Variants in DPP10 observed in about 807,000 individuals in gnomAD.
The protein encoded by DPP10 is dipeptidyl peptidase like 10.
In DPP10, 33 loss-of-function variants were observed where a neutral mutation model predicts 120.9. That is an observed-to-expected ratio of 0.27 (90% CI 0.21 to 0.37). The LOEUF (loss-of-function observed/expected upper bound fraction) is 0.37. DPP10 is among the 10% of genes least tolerant of loss of function. The pLI is 1.00. For synonymous variants in DPP10, 337 were observed against 326.1 expected, an observed-to-expected ratio of 1.03 and a Z score of -0.36; for missense variants, 816 against 942.8, an observed-to-expected ratio of 0.87 and a Z score of 1.76.
At chr2:115,530,371 T>C (rs560874967) in intron 5 of DPP10, among the ~76,000 whole-genome samples, 219 of 152,206 alleles carry the variant, frequency 1.4e-3, no homozygotes, top group African/African-American at 5.1e-3. Context: ...ATATGGTAGT[T>C]TCAAAGAATA....
intron 1 of DPP10, among the ~76,000 whole-genome samples, chr2:115,239,320 A>G (rs1391589082): frequency 6.6e-6 from 1 of 152,238 alleles, no homozygotes; most frequent in Non-Finnish European, 1.5e-5. Flanking sequence ...CACATGCCAC[A>G]GATAAATACT....
intron 15 of DPP10, among the ~76,000 whole-genome samples, chr2:115,780,550 C>G (rs906228663): frequency 6.6e-5 from 10 of 151,622 alleles, no homozygotes; most frequent in Non-Finnish European, 1.3e-4. Flanking sequence ...ACAGAAATAT[C>G]TATTAAAAAT....
intron 5 of DPP10, among the ~76,000 whole-genome samples, chr2:115,526,647 T>G (rs1216624707): frequency 6.6e-6 from 1 of 152,122 alleles, no homozygotes; most frequent in Non-Finnish European, 1.5e-5. Context: ...AGCAGATTAG[T>G]ATCTGTAAAG....
At chr2:115,765,328 C>T (rs1680586037) in intron 12 of DPP10, among the ~76,000 whole-genome samples, 2 of 152,002 alleles carry the variant, frequency 1.3e-5, no homozygotes, top group South Asian at 4.1e-4. Flanking sequence ...GGAGGAGTTG[C>T]TATGTGGGGG....
intron 5 of DPP10, among the ~76,000 whole-genome samples, chr2:115,629,783 C>G (rs1478384084): frequency 6.6e-6 from 1 of 152,118 alleles, no homozygotes; most frequent in Non-Finnish European, 1.5e-5. Context: ...GGTACCAGTA[C>G]CATGCTGTTT....
intron 1 of DPP10, among the ~76,000 whole-genome samples, chr2:114,562,450 C>T (rs1688838678): frequency 6.6e-6 from 1 of 152,176 alleles, no homozygotes; most frequent in African/African-American, 2.4e-5. Flanking sequence ...CTAATGACGT[C>T]TCAATAGATA....
chr2:115,147,921 C>T (rs1241241517), intron 1 of DPP10, among the ~76,000 whole-genome samples: 2 of 151,982 alleles, frequency 1.3e-5, no homozygotes, highest in African/African-American at 4.8e-5. Flanking sequence ...CCGTTTGGAC[C>T]CTCAGACACA....
At chr2:114,509,510 A>G (rs1477868905) in intron 1 of DPP10, among the ~76,000 whole-genome samples, 2 of 152,158 alleles carry the variant, frequency 1.3e-5, no homozygotes, top group African/African-American at 4.8e-5. Flanking sequence ...TAAATTCTGA[A>G]CTGCTTTTCC....
At chr2:115,819,444 G>A (rs1305672846) in intron 21 of DPP10, among the ~76,000 whole-genome samples, 1 of 151,810 alleles carries the variant, frequency 6.6e-6, no homozygotes, top group East Asian at 1.9e-4. Flanking sequence ...CTTTTGCTAG[G>A]GCACTCTCTT....
chr2:115,562,940 C>T (rs1311934495), intron 5 of DPP10, among the ~76,000 whole-genome samples: 2 of 152,172 alleles, frequency 1.3e-5, no homozygotes, highest in Admixed American at 6.5e-5. Context: ...AATATCTTCC[C>T]GGTCAGGAAA....
chr2:115,529,749 A>G (rs1278891324), intron 5 of DPP10, among the ~76,000 whole-genome samples: 1 of 152,106 alleles, frequency 6.6e-6, no homozygotes, highest in Non-Finnish European at 1.5e-5. Flanking sequence ...TAGAAGAACA[A>G]TTTTTACTAT....
intron 1 of DPP10, among the ~76,000 whole-genome samples, chr2:114,980,814 A>G (rs1700036713): frequency 6.6e-6 from 1 of 151,954 alleles, no homozygotes; most frequent in African/African-American, 2.4e-5. Context: ...TTTAACTATC[A>G]GTTTCATATG....
At chr2:115,638,273 G>C (rs750209516) in intron 5 of DPP10, among the ~76,000 whole-genome samples, 12 of 152,150 alleles carry the variant, frequency 7.9e-5, no homozygotes, top group African/African-American at 1.2e-4. Context: ...TTGAAGGGTT[G>C]GTAGTGGGTG....
chr2:114,952,718 GGAAAAAA>G (rs1697887695), intron 1 of DPP10, among the ~76,000 whole-genome samples: 2 of 152,094 alleles, frequency 1.3e-5, no homozygotes, highest in African/African-American at 4.8e-5. Flanking sequence ...AGGGTGAGAT[GGAAAAAA>G]TACACACAAG....
rs184530940 is a variant in DPP10, at chr2:114,996,585, A to G, written c.61-312654A>G. On this transcript the variant is annotated intron_variant, in intron 1 of 25. Coordinates refer to ENST00000410059, the MANE Select transcript of DPP10 (RefSeq NM_020868.6). ...ATAGTTTAGGCAATATTAACACCTT[A>G]CATCTGTAATTTTAGCATTTTGAAT... 1.0e-3 allele frequency among the ~76,000 whole-genome samples: 152 copies of G among 152,348 alleles called. 2 individuals are homozygous for G. The highest frequency in any genetic ancestry group is 3.5e-3 in the African/African-American group (146 of 41,572).
In DPP10 at chr2:115,715,296, G is replaced by T. The variant is rs1248772212; in HGVS notation, c.577-12520G>T. Among the ~76,000 whole-genome samples, 3 of 116,534 alleles carry T rather than the reference G, an allele frequency of 2.6e-5. No homozygotes were observed. In the South Asian group the frequency reaches 8.5e-4, roughly 33 times the overall value. 76.5% of individuals were successfully genotyped at this position (116,534 alleles called of 152,430 possible). ...GGCGGTTGCAATGAGCCGAGATCGC[G>T]CCAATGCACTCCAGCCTGGGCAACA... On this transcript the variant is annotated intron_variant, in intron 7 of 25. Transcript: ENST00000410059.
At chr2:114,603,613 C>T (rs762080189) in intron 1 of DPP10, among the ~76,000 whole-genome samples, 1 of 152,042 alleles carries the variant, frequency 6.6e-6, no homozygotes, top group Non-Finnish European at 1.5e-5. Context: ...ACCCTGGCTC[C>T]AGTAAGGAAA....
intron 5 of DPP10, among the ~76,000 whole-genome samples, chr2:115,676,963 T>C (rs4848396): frequency 0.98 from 149,714 of 152,286 alleles, 73,639 homozygotes; most frequent in Middle Eastern, 1. Context: ...TGAGGAAATG[T>C]CAATCAGAGA....
chr2:114,469,451 C>T (rs932726689), intron 1 of DPP10, among the ~76,000 whole-genome samples: 1 of 152,000 alleles, frequency 6.6e-6, no homozygotes, highest in African/African-American at 2.4e-5. Context: ...ATATTGTGGG[C>T]GGGGTGTGGT....
Sources: gnomAD v4.1 joint callset for allele counts (sites outside exome capture counted in the v4.1 genomes callset) on GRCh38, gnomAD v4.1.1 for gene constraint, MANE v1.5 for transcripts, NCBI Gene and HGNC (gene_info 2026-07-23, HGNC 2026-07-21) for gene names.